The following MKNK1 variants were observed in gnomAD, a reference collection of about 807,000 sequenced individuals.
MKNK1 encodes the protein MAPK interacting serine/threonine kinase 1, also known as MAP kinase-interacting serine/threonine-protein kinase 1.
In MKNK1, 30 loss-of-function variants were observed where a neutral mutation model predicts 49.3. The ratio of observed to expected loss-of-function variants is 0.61; its 90% CI spans 0.46 to 0.83. The LOEUF is 0.83. MKNK1 is among the 40% of genes least tolerant of loss of function. The probability of loss-of-function intolerance (pLI) is 0.00; values close to 1 mark genes in which losing one functional copy is unlikely to be tolerated. For synonymous variants in MKNK1, 176 were observed against 201.7 expected (o/e 0.87, Z 1.08); for missense variants, 423 against 524.7 (o/e 0.81, Z 1.89).
In MKNK1 at chr1:46,589,808, T is replaced by G; in HGVS notation, c.-3+4305A>C. 6.6e-6 allele frequency among the ~76,000 whole-genome samples: 1 copy of G among 152,258 alleles called. No homozygotes were observed. The highest frequency in any genetic ancestry group is 1.5e-5 in the Non-Finnish European group (1 of 68,022). On this transcript the variant is annotated intron_variant, in intron 2 of 12. Transcript: ENST00000371945. This position sits in a 1 kb window ranked among gnomAD's most constrained non-coding sequence, Gnocchi z 4.3. The stretch of plus-strand genomic sequence containing the variant: ...CTCGAGGCCCACCCTCTGGAAGAAC[T>G]GTGTTACTTCTCCATAGTCTTATGA...
intron 2 of MKNK1, among the ~76,000 whole-genome samples, chr1:46,587,130 A>G (rs1672685815): frequency 1.3e-5 from 2 of 152,248 alleles, no homozygotes; most frequent in African/African-American, 2.4e-5. Context: ...CTTTCTAAAC[A>G]GAAGCCTGGT....
chr1:46,576,415 C>T, intron 5 of MKNK1, 160 bp downstream of exon 5: 1 of 607,290 alleles, frequency 1.6e-6, no homozygotes, highest in Admixed American at 2.9e-5. Context: ...TGCTGCTTTT[C>T]CTTTCTCTCC....
chr1:46,600,330 G>A (rs1674577229), intron 1 of MKNK1, among the ~76,000 whole-genome samples: 1 of 152,182 alleles, frequency 6.6e-6, no homozygotes, highest in Admixed American at 6.5e-5. Flanking sequence ...CAATACCAGG[G>A]TCTTGTACAT....
At chr1:46,586,531 C>A (rs1570267799) in intron 2 of MKNK1, among the ~76,000 whole-genome samples, 1 of 152,274 alleles carries the variant, frequency 6.6e-6, no homozygotes, top group Non-Finnish European at 1.5e-5. Flanking sequence ...GTTTCTCCTA[C>A]AGATCATGGC....
chr1:46,562,538 T>A, intron 10 of MKNK1, 111 bp downstream of exon 10: 2 of 1,236,474 alleles, frequency 1.6e-6, no homozygotes, highest in Non-Finnish European at 1.1e-6. Flanking sequence ...GAGGGCACTA[T>A]GAGCCCCCAT....
chr1:46,602,130 G>T (rs1192481417), intron 1 of MKNK1, among the ~76,000 whole-genome samples: 1 of 152,194 alleles, frequency 6.6e-6, no homozygotes, highest in Non-Finnish European at 1.5e-5. Context: ...ACAGAGATTT[G>T]GCCGGGCACG....
intron 1 of MKNK1, among the ~76,000 whole-genome samples, chr1:46,596,348 T>C (rs1674064195): frequency 6.6e-6 from 1 of 152,186 alleles, no homozygotes; most frequent in South Asian, 2.1e-4. Context: ...TTTCTTGATT[T>C]CTCCCCAACC....
intron 3 of MKNK1, 90 bp downstream of exon 3, chr1:46,583,138 G>A (rs202203185): frequency 2.0e-5 from 19 of 964,780 alleles, no homozygotes; most frequent in South Asian, 9.8e-5. Context: ...CTAACTTGAC[G>A]CATTCTGTGA....
At chr1:46,590,539 T>G (rs527357727) in intron 2 of MKNK1, among the ~76,000 whole-genome samples, 2 of 152,370 alleles carry the variant, frequency 1.3e-5, no homozygotes, top group East Asian at 3.9e-4. Context: ...AATGATTTGC[T>G]CAAGGTCGCA....
At chr1:46,581,833 G>C (rs994551817) in intron 3 of MKNK1, among the ~76,000 whole-genome samples, 2 of 152,048 alleles carry the variant, frequency 1.3e-5, no homozygotes, top group Non-Finnish European at 2.9e-5. Context: ...TGGGTTAAAG[G>C]AACATCTAGA....
chr1:46,561,987 T>C (rs896189012), intron 10 of MKNK1, among the ~76,000 whole-genome samples: 1 of 152,126 alleles, frequency 6.6e-6, no homozygotes, highest in Non-Finnish European at 1.5e-5. Flanking sequence ...GACCTACTAC[T>C]CCACTCTTCC....
At chr1:46,572,331 G>A in intron 6 of MKNK1, 164 bp from the exon 7 acceptor site, 1 of 512,566 alleles carries the variant, frequency 2.0e-6, no homozygotes, top group South Asian at 2.1e-5. Context: ...TCCTGTCTCA[G>A]CCTCCTGAGT....
chr1:46,584,075 A>C (rs3766235), intron 2 of MKNK1, among the ~76,000 whole-genome samples: 7,147 of 152,310 alleles, frequency 0.047, 190 homozygotes, highest in African/African-American at 0.08. Context: ...CCTGGCTCCC[A>C]ATCTTAAAAG....
chr1:46,570,612 C>T (rs998551834), intron 7 of MKNK1, among the ~76,000 whole-genome samples: 1 of 152,200 alleles, frequency 6.6e-6, no homozygotes. Context: ...CCACTGGTCC[C>T]GGGCACCCAC....
At chr1:46,568,657 G>A (rs1388896843) in intron 7 of MKNK1, 159 bp from the exon 8 acceptor site, 5 of 676,654 alleles carry the variant, frequency 7.4e-6, no homozygotes, top group African/African-American at 3.6e-5. Context: ...AGTAACCAGC[G>A]ACACAAACCA....
intron 8 of MKNK1, chr1:46,568,144 C>T (rs946402971): frequency 2.4e-5 from 6 of 254,728 alleles, no homozygotes; most frequent in South Asian, 9.3e-5. Flanking sequence ...AAAGTATTTA[C>T]GACTTCCATC....
chr1:46,574,764 C>T, intron 6 of MKNK1, 183 bp downstream of exon 6: 1 of 564,574 alleles, frequency 1.8e-6, no homozygotes, highest in South Asian at 2.5e-5. Context: ...ACATTCTAAG[C>T]TCTGCAAAAT....
Position 46,561,646 on chromosome 1 carries a change from G to A in MKNK1, c.805-4C>T. The A allele has an allele frequency of 6.2e-7, 1 of 1,613,456 alleles. No individual in the cohort carries two copies. Among genetic ancestry groups the A allele is most frequent in the Non-Finnish European group, 8.5e-7 (1 of 1,179,662 alleles). ...GGATGCTTTCAAACAGCTTGTTCTA[G>A]GTACAAAAGATTCCTCCTGAGGCCA... On this transcript the variant is annotated splice_region_variant and splice_polypyrimidine_tract_variant and intron_variant, in intron 10 of 12. Transcript: ENST00000371945.
chr1:46,588,494 T>C (rs1672888101), intron 2 of MKNK1, among the ~76,000 whole-genome samples: 1 of 152,236 alleles, frequency 6.6e-6, no homozygotes, highest in Admixed American at 6.5e-5. Context: ...ACAACCAATG[T>C]TATTTTTATT....
Sources: allele counts gnomAD v4.1 joint callset (sites outside exome capture counted in the v4.1 genomes callset), GRCh38; gene constraint gnomAD v4.1.1; non-coding constraint Gnocchi (gnomAD v3.1); transcripts MANE v1.5; gene names NCBI Gene and HGNC (gene_info 2026-07-23, HGNC 2026-07-21).